GLDN: variants seen among roughly 807,000 people sequenced by gnomAD.
GLDN encodes the protein gliomedin.
Under a neutral mutation model 56.5 loss-of-function variants are expected in GLDN, and 47 were observed. The ratio of observed to expected loss-of-function variants is 0.83; its 90% confidence interval spans 0.66 to 1.06. GLDN has a LOEUF of 1.06. GLDN is among the 50% of genes least tolerant of loss of function. GLDN has a pLI of 0.00. For missense variants in GLDN, 782 were observed against 714.3 expected, an observed-to-expected ratio of 1.09 and a Z score of -1.08; for synonymous variants, 332 against 278.8, an observed-to-expected ratio of 1.19 and a Z score of -1.90.
At chr15:51,347,194 G>A (rs978207939) in intron 1 of GLDN, among the ~76,000 whole-genome samples, 8 of 152,024 alleles carry the variant, frequency 5.3e-5, no homozygotes, top group Admixed American at 5.2e-4. Context: ...CAACAGAAAT[G>A]AGAATCCAAC....
intron 2 of GLDN, among the ~76,000 whole-genome samples, chr15:51,379,453 A>G (rs1198052686): frequency 1.3e-5 from 2 of 152,218 alleles, no homozygotes; most frequent in African/African-American, 4.8e-5. Context: ...ACCCTAATCC[A>G]GTTATGATAC....
Position 51,341,676 on chromosome 15 carries a change from G to A in GLDN, c.-9G>A, listed in dbSNP as rs951236285. 8 of 1,402,206 alleles carry A rather than the reference G, an allele frequency of 5.7e-6. No homozygotes were observed. Among genetic ancestry groups the A allele is most frequent in the Middle Eastern group, 2.5e-4 (1 of 3,986 alleles). The allele number at this position is 1,402,206 out of a possible 1,614,324, so 86.9% of individuals were successfully genotyped here. On this transcript the variant is annotated 5_prime_UTR_variant, in exon 1 of 10. Transcript: ENST00000335449. ...TGCCAAGCCCTGCCCTGCCCAAGGC[G>A]CATAGAGCATGGCCCGAGGCGCTGA...
At chr15:51,358,308 T>G (rs1026163511) in intron 1 of GLDN, among the ~76,000 whole-genome samples, 2 of 152,214 alleles carry the variant, frequency 1.3e-5, no homozygotes, top group African/African-American at 2.4e-5. Flanking sequence ...CTAAAACTGT[T>G]GTGCTTCAGT....
Position 51,341,916 on chromosome 15 carries a change from G to T in GLDN, c.232G>T (p.Gly78Trp), listed in dbSNP as rs773089596. The T allele has an allele frequency of 5.0e-6, 8 of 1,594,100 alleles. No individual in the cohort carries two copies. The highest frequency in any genetic ancestry group is 1.1e-5 in the South Asian group (1 of 90,860). Reference sequence around the variant, plus strand: ...GGCCGAGTTGAGCCGCGCGCCGCGCGGGGCGTCCGCACCACCCCAAGACCC... The same window carrying T: ...GGCCGAGTTGAGCCGCGCGCCGCGCTGGGCGTCCGCACCACCCCAAGACCC... The part of the protein sequence containing the change: ...FLAELSRAPR[G>W]ASAPPQDPAS... Residue 78 changes from glycine (G) to tryptophan (W), a missense_variant, in exon 1 of 10, where the codon GGG (glycine) becomes TGG (tryptophan). Transcript: ENST00000335449.
intron 5 of GLDN, among the ~76,000 whole-genome samples, chr15:51,395,421 G>T (rs2038105540): frequency 6.6e-6 from 1 of 152,130 alleles, no homozygotes; most frequent in African/African-American, 2.4e-5. Context: ...GCAAAATATT[G>T]TTGTGCCAAG....
chr15:51,369,871 T>C (rs2037479915), intron 1 of GLDN, among the ~76,000 whole-genome samples: 1 of 152,244 alleles, frequency 6.6e-6, no homozygotes, highest in South Asian at 2.1e-4. Context: ...ATCCCAGCAT[T>C]TTGGGAGGCC....
chr15:51,348,760 C>T (rs1244686512), intron 1 of GLDN, among the ~76,000 whole-genome samples: 3 of 152,036 alleles, frequency 2.0e-5, no homozygotes, highest in African/African-American at 7.3e-5. Flanking sequence ...AGAATGTTGG[C>T]CAAACAACAC....
intron 1 of GLDN, chr15:51,360,399 G>C (rs1293679527): frequency 6.6e-6 from 1 of 152,422 alleles, no homozygotes; most frequent in East Asian, 1.9e-4. Flanking sequence ...TTGTGCCAGG[G>C]GGATCACTGG....
At chr15:51,379,785 A>C (rs1399631558) in intron 2 of GLDN, among the ~76,000 whole-genome samples, 2 of 152,242 alleles carry the variant, frequency 1.3e-5, no homozygotes, top group Non-Finnish European at 2.9e-5. Context: ...CATGAGCTAC[A>C]TAATTTGCAG....
intron 8 of GLDN, 81 bp downstream of exon 8, chr15:51,400,579 T>G (rs1159578658): frequency 6.9e-7 from 1 of 1,441,256 alleles, no homozygotes; most frequent in Non-Finnish European, 9.5e-7. Context: ...CGTATTCCAT[T>G]TGTGTGTGTC....
Position 51,377,457 on chromosome 15 carries a change from G to A in GLDN, c.372G>A (p.Val124=), listed in dbSNP as rs756884988. Residue 124 remains valine (V), a synonymous_variant, in exon 2 of 10, where the codon GTG becomes GTA. Coordinates refer to ENST00000335449, the MANE Select transcript of GLDN (RefSeq NM_181789.4). The part of the protein sequence containing the change: ...MMTYSMVPIR[V]MVDLCNSTKG... ...CCCTCTCTCCCCTGCAGATCCGAGTGATGGTGGACCTGTGCAACAGCACCA... is the reference window on the plus strand; with the variant it reads ...CCCTCTCTCCCCTGCAGATCCGAGTAATGGTGGACCTGTGCAACAGCACCA... 1 of 1,614,006 alleles carries A rather than the reference G, an allele frequency of 6.2e-7. No homozygotes were observed. The highest frequency in any genetic ancestry group is 1.7e-5 in the Admixed American group (1 of 60,024).
chr15:51,383,389 TCTGGGTTCGGTG>T, intron 2 of GLDN, 35 bp from the exon 3 acceptor site: 1 of 1,610,174 alleles, frequency 6.2e-7, no homozygotes, highest in Non-Finnish European at 8.5e-7. Flanking sequence ...CTCTTTGTTT[TCTGGGTTCGGTG>T]CTGGTTTCTC....
chr15:51,403,055 G>C (rs540476845), intron 9 of GLDN, among the ~76,000 whole-genome samples: 2 of 152,194 alleles, frequency 1.3e-5, no homozygotes, highest in Non-Finnish European at 2.9e-5. Flanking sequence ...GCAGTTCTGC[G>C]GTGGATAACC....
chr15:51,379,740 G>A (rs903443468), intron 2 of GLDN, among the ~76,000 whole-genome samples: 15 of 152,164 alleles, frequency 9.9e-5, no homozygotes, highest in African/African-American at 3.4e-4. Context: ...AATTTTAATC[G>A]ATTCTGGTTA....
downstream of GLDN, among the ~76,000 whole-genome samples, chr15:51,408,537 TTTTTC>T (rs2038429289): frequency 1.3e-5 from 2 of 152,202 alleles, no homozygotes; most frequent in African/African-American, 2.4e-5. Context: ...CCCTGTTCTT[TTTTTC>T]TTTTCTTTTT....
At chr15:51,410,052 A>G (rs1595847115), downstream of GLDN, among the ~76,000 whole-genome samples, 1 of 152,176 alleles carries the variant, frequency 6.6e-6, no homozygotes, top group East Asian at 1.9e-4. Context: ...TCTCAAGATT[A>G]CCACCACTGG....
At chr15:51,380,042 C>A (rs761292245) in intron 2 of GLDN, among the ~76,000 whole-genome samples, 5 of 152,122 alleles carry the variant, frequency 3.3e-5, no homozygotes, top group Admixed American at 6.5e-5. Flanking sequence ...TGTGCCCCAG[C>A]CCCTACCAGA....
rs757634724 is a variant in GLDN at position 51,404,397 on chromosome 15, C to A, written c.1299C>A (p.Gly433=). The change falls in exon 10 of 10, where the codon GGC becomes GGA. Residue 433 remains glycine, a synonymous_variant. Coordinates refer to ENST00000335449, the MANE Select transcript of GLDN (RefSeq NM_181789.4). ...TCAATCTAGCTGTAGATGAAAAGGG[C>A]CTTTGGATTATCTATGCGTCAAGTG... ...TYFNLAVDEK[G]LWIIYASSVD... 3 of 1,613,930 alleles carry A rather than the reference C, an allele frequency of 1.9e-6. No homozygotes were observed. Among genetic ancestry groups the A allele is most frequent in the Admixed American group, 1.7e-5 (1 of 59,986 alleles).
At chr15:51,389,974 C>T (rs78866032) in intron 4 of GLDN, among the ~76,000 whole-genome samples, 2,131 of 152,264 alleles carry the variant, frequency 0.014, 27 homozygotes, top group Non-Finnish European at 0.021. Context: ...CGGTTGCTTC[C>T]AGGAGACTGA....
Sources: allele counts gnomAD v4.1 joint callset (sites outside exome capture counted in the v4.1 genomes callset), GRCh38; gene constraint gnomAD v4.1.1; transcripts MANE v1.5; gene names NCBI Gene and HGNC (gene_info 2026-07-23, HGNC 2026-07-21).